Variants in SS18 observed in about 807,000 individuals in gnomAD.
SS18 encodes the protein SS18 subunit of BAF chromatin remodeling complex.
Under a neutral mutation model 72.5 loss-of-function variants are expected in SS18, and 28 were observed. The observed-to-expected ratio is 0.39, with a 90% CI of 0.29 to 0.53. The LOEUF is 0.53. SS18 is among the 20% of genes least tolerant of loss of function. SS18 has a pLI of 0.76. For synonymous variants in SS18, 172 were observed against 164.2 expected, an observed-to-expected ratio of 1.05 and a Z score of -0.37; for missense variants, 518 against 535.3, an observed-to-expected ratio of 0.97 and a Z score of 0.32.
chr18:26,027,756 A>AAAGCCAT (rs2053476591), intron 10 of SS18, among the ~76,000 whole-genome samples: 1 of 151,298 alleles, frequency 6.6e-6, no homozygotes, highest in Admixed American at 6.6e-5. Context: ...AGAAAGAAAA[A>AAAGCCAT]AAGCCATGCA....
In SS18 at chr18:26,087,484, T is replaced by G. The variant is rs780627887; in HGVS notation, c.146+17A>C. On this transcript the variant is annotated intron_variant, in intron 2 of 10. Coordinates refer to ENST00000415083, the MANE Select transcript of SS18 (RefSeq NM_001007559.3). ...TACAAAAAACTGAATAAAAAAAAAG[T>G]TTCTTATCAATCTTACTGAGAACAC... 3.4e-6 allele frequency: 5 copies of G among 1,486,662 alleles called. No homozygotes were observed. The highest frequency in any genetic ancestry group is 2.8e-5 in the African/African-American group (2 of 70,414). The allele number at this position is 1,486,662 out of a possible 1,614,324, so 92.1% of individuals were successfully genotyped here.
chr18:26,048,803 C>G (rs184742394), intron 5 of SS18, among the ~76,000 whole-genome samples: 33 of 152,186 alleles, frequency 2.2e-4, no homozygotes, highest in African/African-American at 7.7e-4. Context: ...ATTAAAACAC[C>G]CAGAAATAAA....
At chr18:26,063,138 T>A (rs903900248) in intron 3 of SS18, among the ~76,000 whole-genome samples, 1 of 152,094 alleles carries the variant, frequency 6.6e-6, no homozygotes, top group African/African-American at 2.4e-5. Flanking sequence ...TCAATAAATA[T>A]CAAAAGATTG....
intron 3 of SS18, among the ~76,000 whole-genome samples, chr18:26,060,983 TACTAAAGACTTAAAATAACTG>T (rs1393879082): frequency 6.8e-6 from 1 of 146,116 alleles, no homozygotes; most frequent in Non-Finnish European, 1.5e-5. Context: ...ATTATGGAGT[TACTAAAGACTTAAAATAACTG>T]TGATTGGTAT....
chr18:26,035,033 TTGCTGCCCTGGGTAC>T lies in SS18; in HGVS notation c.1053_1067del (p.Tyr352_Gln356del), dbSNP rs1567994848. 1 of 1,613,492 alleles carries T rather than the reference TTGCTGCCCTGGGTAC, an allele frequency of 6.2e-7. No individual in the cohort carries two copies. Among genetic ancestry groups the T allele is most frequent in the South Asian group, 1.1e-5 (1 of 91,060 alleles). On this transcript the variant is annotated inframe_deletion, in exon 9 of 11. Coordinates refer to ENST00000415083, the MANE Select transcript of SS18 (RefSeq NM_001007559.3). This position sits in a 1 kb window ranked among gnomAD's most constrained non-coding sequence, Gnocchi z 4.4. ...AGCCCTGCTGCTGTCCTGGGTAACC[TTGCTGCCCTGGGTAC>T]TGCTGCTGCTGGGGTGGATATCCCT...
chr18:26,030,786 G>C (rs1270849247), intron 10 of SS18, among the ~76,000 whole-genome samples: 1 of 151,160 alleles, frequency 6.6e-6, no homozygotes, highest in Non-Finnish European at 1.5e-5. Flanking sequence ...ATGATTCAGA[G>C]GCTAGAAAAA....
chr18:26,031,430 A>G (rs1024348858), intron 10 of SS18, among the ~76,000 whole-genome samples: 4 of 152,224 alleles, frequency 2.6e-5, no homozygotes, highest in African/African-American at 9.6e-5. Context: ...CCTAAACTGC[A>G]TATTAAAGAC....
intron 3 of SS18, among the ~76,000 whole-genome samples, chr18:26,060,733 T>G (rs2054103638): frequency 8.5e-6 from 1 of 118,312 alleles, no homozygotes; most frequent in South Asian, 3.0e-4. Flanking sequence ...AAGACCTGCC[T>G]GGCCAACATG....
At chr18:26,076,662 A>G (rs577463358) in intron 3 of SS18, among the ~76,000 whole-genome samples, 1 of 152,062 alleles carries the variant, frequency 6.6e-6, no homozygotes, top group South Asian at 2.1e-4. Context: ...TTACATTGTT[A>G]TATGTTTTAT....
chr18:26,076,793 TAAC>T (rs2054422042), intron 3 of SS18, among the ~76,000 whole-genome samples: 1 of 151,740 alleles, frequency 6.6e-6, no homozygotes, highest in Non-Finnish European at 1.5e-5. Context: ...AATTTCAACA[TAAC>T]AAAGAATGAC....
chr18:26,078,835 C>G (rs1050160339), intron 2 of SS18, among the ~76,000 whole-genome samples: 3 of 152,026 alleles, frequency 2.0e-5, no homozygotes, highest in Non-Finnish European at 2.9e-5. Context: ...TGCAGTGAGC[C>G]GAGATCATGC....
chr18:26,087,132 G>A (rs1206020685), intron 2 of SS18, among the ~76,000 whole-genome samples: 1 of 152,120 alleles, frequency 6.6e-6, no homozygotes, highest in Non-Finnish European at 1.5e-5. Flanking sequence ...ATGAACCTCG[G>A]AAGTATTACA....
intron 7 of SS18, among the ~76,000 whole-genome samples, chr18:26,038,109 T>G (rs1319475914): frequency 6.6e-6 from 1 of 152,134 alleles, no homozygotes; most frequent in African/African-American, 2.4e-5. Context: ...GTATGAAACA[T>G]TAATTAAAAT....
chr18:26,046,049 T>C (rs1387590813), intron 5 of SS18, among the ~76,000 whole-genome samples: 3 of 151,800 alleles, frequency 2.0e-5, no homozygotes, highest in African/African-American at 7.3e-5. Context: ...GTGCTGGACA[T>C]GGTAGCATGT....
At chr18:26,090,907 C>T (rs904247328), upstream of SS18, 7 of 364,318 alleles carry the variant, frequency 1.9e-5, no homozygotes, top group Non-Finnish European at 3.5e-5. Context: ...GGAAATGGTC[C>T]CGCCGCCGCG....
rs972552903 is a variant in SS18 at position 26,030,127 on chromosome 18, A to G, written c.1230+2272T>C. ...CACACTTTATATACACTGCTTTTCA[A>G]GCTCCACACTGATGTCAGGATAAAG... is the stretch of plus-strand genomic sequence containing the variant. On this transcript the variant is annotated intron_variant, in intron 10 of 10. Transcript: ENST00000415083. Among the ~76,000 whole-genome samples, 3 of 152,230 alleles carry G rather than the reference A, an allele frequency of 2.0e-5. No individual in the cohort carries two copies. In the East Asian group the frequency reaches 5.8e-4, roughly 29 times the overall value.
intron 10 of SS18, among the ~76,000 whole-genome samples, chr18:26,029,208 G>C (rs1458384032): frequency 6.6e-6 from 1 of 152,158 alleles, no homozygotes; most frequent in African/African-American, 2.4e-5. Context: ...CGAGTGGTTG[G>C]GATATAAATA....
intron 3 of SS18, among the ~76,000 whole-genome samples, chr18:26,064,170 C>T (rs1029561258): frequency 1.3e-5 from 2 of 152,014 alleles, no homozygotes; most frequent in African/African-American, 4.8e-5. Flanking sequence ...TAAAATTTTC[C>T]CTGAAGTAAT....
Position 26,049,270 on chromosome 18 carries a change from TAC to T in SS18, c.607+3352_607+3353del, listed in dbSNP as rs1177169805. 2.1e-3 allele frequency among the ~76,000 whole-genome samples: 294 copies of T among 140,448 alleles called. 1 individual carries two copies. The highest frequency in any genetic ancestry group is 9.3e-3 in the African/African-American group (289 of 31,126). The allele number at this position is 140,448 out of a possible 152,430, so 92.1% of individuals were successfully genotyped here. ...AATTTGCCTTTTCATACACTGAATG[TAC>T]TTGTTGATTAAATAAACATTTTTCA... On this transcript the variant is annotated intron_variant, in intron 5 of 10. Coordinates refer to ENST00000415083, the MANE Select transcript of SS18 (RefSeq NM_001007559.3).
Sources: gnomAD v4.1 joint callset for allele counts (sites outside exome capture counted in the v4.1 genomes callset) on GRCh38, gnomAD v4.1.1 for gene constraint, Gnocchi (gnomAD v3.1) non-coding constraint, MANE v1.5 for transcripts, NCBI Gene and HGNC (gene_info 2026-07-23, HGNC 2026-07-21) for gene names.